Variants in ZHX2 observed in about 807,000 individuals in gnomAD.
ZHX2 encodes zinc fingers and homeoboxes 2, also known as zinc fingers and homeoboxes protein 2.
In ZHX2, 6 loss-of-function variants were observed where a neutral mutation model predicts 21.9. The ratio of observed to expected loss-of-function variants is 0.27; its 90% CI spans 0.15 to 0.54. ZHX2 has a LOEUF of 0.54. Among genes scored for constraint, ZHX2 ranks in the 20% least tolerant of loss-of-function variants. The pLI is 0.95. For missense variants in ZHX2, 908 were observed against 1,090.7 expected, an observed-to-expected ratio of 0.83 and a Z score of 2.36; for synonymous variants, 434 against 437.1, an observed-to-expected ratio of 0.99 and a Z score of 0.09.
intron 2 of ZHX2, among the ~76,000 whole-genome samples, chr8:122,872,831 T>G (rs1446660440): frequency 6.6e-6 from 1 of 152,222 alleles, no homozygotes; most frequent in Non-Finnish European, 1.5e-5. Context: ...GCAGGCGTCG[T>G]GTCTCTCCAT....
At chr8:122,948,633 C>T (rs1756574689) in intron 2 of ZHX2, among the ~76,000 whole-genome samples, 2 of 152,166 alleles carry the variant, frequency 1.3e-5, no homozygotes, top group African/African-American at 4.8e-5. Context: ...CAGTACTCAA[C>T]AGCTAGATCG....
At chr8:122,867,370 A>C (rs1171184190) in intron 2 of ZHX2, among the ~76,000 whole-genome samples, 2 of 152,324 alleles carry the variant, frequency 1.3e-5, no homozygotes, top group East Asian at 3.9e-4. Context: ...AACTGGTGCT[A>C]ACGGAGGAGC....
At chr8:122,857,793 C>T (rs1264709381) in intron 1 of ZHX2, among the ~76,000 whole-genome samples, 1 of 152,040 alleles carries the variant, frequency 6.6e-6, no homozygotes, top group African/African-American at 2.4e-5. Context: ...GGTTTACCAT[C>T]TGTAGAATGG....
chr8:122,951,392 A>T lies in ZHX2; in HGVS notation c.-119A>T. 1 of 887,888 alleles carries T rather than the reference A, an allele frequency of 1.1e-6. No homozygotes were observed. The highest frequency in any genetic ancestry group is 1.7e-6 in the Non-Finnish European group (1 of 594,868). 55.0% of individuals were successfully genotyped at this position (887,888 alleles called of 1,614,324 possible). A position where few individuals can be genotyped will look rare whatever the true frequency, so the allele number is the denominator to read the frequency against. On this transcript the variant is annotated 5_prime_UTR_variant, in exon 3 of 4. It adds an upstream start codon to the 5' untranslated region. Coordinates refer to ENST00000314393, the MANE Select transcript of ZHX2 (RefSeq NM_014943.5). ...ACAGTAGACTTCAGCACACAAGGAA[A>T]GCCAAAGCCATTTGAGGGGGAATAA...
At chr8:122,930,257 C>T (rs903376687) in intron 2 of ZHX2, among the ~76,000 whole-genome samples, 3 of 152,102 alleles carry the variant, frequency 2.0e-5, no homozygotes, top group Admixed American at 6.5e-5. Context: ...AGCATCACCG[C>T]GGTCATTACT....
chr8:122,835,545 C>T (rs551159418), intron 1 of ZHX2, among the ~76,000 whole-genome samples: 1 of 152,100 alleles, frequency 6.6e-6, no homozygotes, highest in South Asian at 2.1e-4. Context: ...GAGAAGATGG[C>T]GACTGGGAAG....
At chr8:122,783,398 G>A (rs1385992833) in intron 1 of ZHX2, among the ~76,000 whole-genome samples, 2 of 152,084 alleles carry the variant, frequency 1.3e-5, no homozygotes, top group African/African-American at 2.4e-5. Context: ...TCTCAGGCAG[G>A]CCCCGATGAG....
intron 2 of ZHX2, among the ~76,000 whole-genome samples, chr8:122,888,969 C>T (rs971026638): frequency 6.6e-6 from 1 of 152,146 alleles, no homozygotes; most frequent in Non-Finnish European, 1.5e-5. Context: ...TATTAGCTCC[C>T]ACATATGAAC....
intron 1 of ZHX2, among the ~76,000 whole-genome samples, chr8:122,843,749 C>A (rs1296920180): frequency 6.6e-6 from 1 of 152,164 alleles, no homozygotes; most frequent in Admixed American, 6.5e-5. Flanking sequence ...TGTTCACCAG[C>A]TAGACGTGAA....
rs190228276 is a variant in ZHX2 at position 122,787,457 on chromosome 8, T to C, written c.-283+5511T>C. 2.7e-3 allele frequency among the ~76,000 whole-genome samples: 417 copies of C among 152,370 alleles called. 6 individuals are homozygous for C. Among genetic ancestry groups the C allele is most frequent in the African/African-American group, 9.2e-3 (383 of 41,584 alleles). On this transcript the variant is annotated intron_variant, in intron 1 of 3. Transcript: ENST00000314393. The stretch of plus-strand genomic sequence containing the variant: ...AATATGAAGGAATGTGAGCCAGGCA[T>C]TCACTGTGGTGTAAGAGATTTGTGA...
At chr8:122,810,616 A>AG (rs1399050677) in intron 1 of ZHX2, 2 of 152,158 alleles carry the variant, frequency 1.3e-5, no homozygotes, top group Non-Finnish European at 2.9e-5. Flanking sequence ...GCCAGCAGTG[A>AG]GGGGCAGGAT....
intron 1 of ZHX2, among the ~76,000 whole-genome samples, chr8:122,805,457 A>G (rs1817803817): frequency 6.6e-6 from 1 of 152,186 alleles, no homozygotes; most frequent in African/African-American, 2.4e-5. Flanking sequence ...ACCGACAGTT[A>G]GAAGTAAGGC....
At chr8:122,836,094 C>T (rs749602354) in intron 1 of ZHX2, among the ~76,000 whole-genome samples, 1 of 152,002 alleles carries the variant, frequency 6.6e-6, no homozygotes, top group African/African-American at 2.4e-5. Flanking sequence ...AAGAGGGGGA[C>T]AATAAAAGGA....
chr8:122,968,380 C>T (rs1361509332), intron 3 of ZHX2, among the ~76,000 whole-genome samples: 1 of 152,192 alleles, frequency 6.6e-6, no homozygotes, highest in African/African-American at 2.4e-5. Context: ...AAAACTGACT[C>T]AAGCCTGGTG....
At chr8:122,810,043 C>CTAAAAATATA (rs1371178913) in intron 1 of ZHX2, among the ~76,000 whole-genome samples, 6 of 152,054 alleles carry the variant, frequency 3.9e-5, no homozygotes, top group Admixed American at 2.6e-4. Context: ...TATCTGTCTG[C>CTAAAAATATA]TAAAAATATA....
intron 2 of ZHX2, among the ~76,000 whole-genome samples, chr8:122,873,692 C>G (rs1332793373): frequency 6.6e-6 from 1 of 152,194 alleles, no homozygotes; most frequent in East Asian, 1.9e-4. Context: ...AGTTTATTAT[C>G]TTATGGTACT....
chr8:122,841,944 T>A (rs1045392922), intron 1 of ZHX2, among the ~76,000 whole-genome samples: 3 of 152,054 alleles, frequency 2.0e-5, no homozygotes, highest in Non-Finnish European at 4.4e-5. Context: ...AGACTCCAAG[T>A]CCTCCCTAGC....
At chr8:122,836,279 C>CA (rs138079502) in intron 1 of ZHX2, among the ~76,000 whole-genome samples, 7,095 of 152,232 alleles carry the variant, frequency 0.047, 364 homozygotes, top group African/African-American at 0.13. Context: ...CCCCTGTTAA[C>CA]AGGGCTCCCG....
chr8:122,808,573 G>A (rs906965281), intron 1 of ZHX2, among the ~76,000 whole-genome samples: 2 of 152,186 alleles, frequency 1.3e-5, no homozygotes, highest in Admixed American at 6.5e-5. Flanking sequence ...GGGAATTATG[G>A]AAACTACAAT....
Sources: allele counts gnomAD v4.1 joint callset (sites outside exome capture counted in the v4.1 genomes callset), GRCh38; gene constraint gnomAD v4.1.1; transcripts MANE v1.5; gene names NCBI Gene and HGNC (gene_info 2026-07-23, HGNC 2026-07-21).